MFAP3: variants seen among roughly 807,000 people sequenced by gnomAD.
The protein encoded by MFAP3 is microfibril associated protein 3, also known as microfibril-associated glycoprotein 3.
MFAP3 carries 8 observed loss-of-function variants against 20.5 expected under a neutral mutation model. That is an observed-to-expected ratio of 0.39 (90% CI 0.23 to 0.70). The LOEUF (loss-of-function observed/expected upper bound fraction) is 0.70, where lower values mean the gene tolerates loss of function less well. MFAP3 is among the 30% of genes least tolerant of loss of function. The pLI is 0.44. For missense variants in MFAP3, 398 were observed against 444.6 expected, an observed-to-expected ratio of 0.90 and a Z score of 0.94; for synonymous variants, 140 against 154.0, an observed-to-expected ratio of 0.91 and a Z score of 0.67.
At chr5:154,045,087 C>A (rs1305925669) in intron 1 of MFAP3, among the ~76,000 whole-genome samples, 1 of 152,046 alleles carries the variant, frequency 6.6e-6, no homozygotes, top group Non-Finnish European at 1.5e-5. Flanking sequence ...TTTCTTACAG[C>A]TTCTCCTTGT....
At chr5:154,052,171 G>C (rs1253539667) in intron 2 of MFAP3, among the ~76,000 whole-genome samples, 1 of 152,006 alleles carries the variant, frequency 6.6e-6, no homozygotes, top group Non-Finnish European at 1.5e-5. Context: ...TATGTTTTAG[G>C]TTGAAAATGG....
In MFAP3 at chr5:154,041,868, C is replaced by T. The variant is rs1405385137; in HGVS notation, c.-167+2857C>T. Among the ~76,000 whole-genome samples, 3 of 152,330 alleles carry T rather than the reference C, an allele frequency of 2.0e-5. No individual in the cohort carries two copies. The East Asian group carries it at 5.8e-4, about 29-fold the overall frequency. The stretch of plus-strand genomic sequence containing the variant: ...AAATGTGTAGGAGGTGGAATAATAA[C>T]AATAGCATATATTTATAATTTACCC... On this transcript the variant is annotated intron_variant, in intron 1 of 2. Transcript: ENST00000522782.
At position 154,053,697 on chromosome 5, in the gene MFAP3, A is replaced by T. The variant is rs1189502535; in HGVS notation, c.1073A>T (p.Glu358Val). ...SNCNYKDGAYENCQL is the reference protein window; with the variant it reads ...SNCNYKDGAYVNCQL Reference sequence around the variant, plus strand: ...TGTAACTACAAAGATGGGGCATATGAAAACTGTCAGCTGTAACCTACAATG... The same window carrying T: ...TGTAACTACAAAGATGGGGCATATGTAAACTGTCAGCTGTAACCTACAATG... Residue 358 changes from glutamate to valine, a missense_variant, in exon 3 of 3, where the codon GAA becomes GTA. By Grantham distance (121) the Glu-to-Val change is moderately radical (BLOSUM62 -2). Transcript: ENST00000522782. 2 of 1,611,114 alleles carry T rather than the reference A, an allele frequency of 1.2e-6. No individual in the cohort carries two copies. Among genetic ancestry groups the T allele is most frequent in the Non-Finnish European group, 1.7e-6 (2 of 1,177,922 alleles).
intron 1 of MFAP3, among the ~76,000 whole-genome samples, chr5:154,048,136 G>A (rs907486746): frequency 6.6e-6 from 1 of 152,104 alleles, no homozygotes; most frequent in Non-Finnish European, 1.5e-5. Context: ...GCAAATCACT[G>A]TGCACTGAAT....
At position 154,055,829 on chromosome 5, in the gene MFAP3, G is replaced by A. The variant is rs1436654626; in HGVS notation, c.*2116G>A. ...TCACTTTGTTGCCCAGGCTGACCTT[G>A]TACTTGTGGCTTCAAATGATCCTCC... On this transcript the variant is annotated 3_prime_UTR_variant, in exon 3 of 3. Transcript: ENST00000522782. 6.6e-6 allele frequency among the ~76,000 whole-genome samples: 1 copy of A among 151,948 alleles called. No homozygotes were observed. The highest frequency in any genetic ancestry group is 2.4e-5 in the African/African-American group (1 of 41,352).
intron 2 of MFAP3, 99 bp downstream of exon 2, chr5:154,050,116 A>C: frequency 2.2e-6 from 3 of 1,335,254 alleles, no homozygotes; most frequent in Non-Finnish European, 2.0e-6. Context: ...ATAAGGTGCC[A>C]AGGTGAATAG....
chr5:154,047,425 CAGT>C (rs971777237), intron 1 of MFAP3, among the ~76,000 whole-genome samples: 10 of 152,236 alleles, frequency 6.6e-5, no homozygotes, highest in Admixed American at 6.5e-4. Flanking sequence ...ATCTCAAACT[CAGT>C]GGTGGGGAAG....
At chr5:154,049,066 A>C (rs7722605) in intron 1 of MFAP3, among the ~76,000 whole-genome samples, 34 of 152,302 alleles carry the variant, frequency 2.2e-4, no homozygotes, top group African/African-American at 8.2e-4. Context: ...TGAATTACTC[A>C]AATTTTGAGC....
In MFAP3 at chr5:154,050,639, T is replaced by A. The variant is rs200208974; in HGVS notation, c.295+622T>A. On this transcript the variant is annotated intron_variant, in intron 2 of 2. Transcript: ENST00000522782. ...TTTTTTTTTTTTTTTTTTTGTATTC[T>A]ATACCTTAATTTACTGGAAATGAGA... Among the ~76,000 whole-genome samples, 43 of 142,294 alleles carry A rather than the reference T, an allele frequency of 3.0e-4. No homozygotes were observed. The East Asian group carries it at 7.5e-3, about 25-fold the overall frequency. The allele number at this position is 142,294 out of a possible 152,430, so 93.4% of individuals were successfully genotyped here.
chr5:154,053,028 C>G lies in MFAP3; in HGVS notation c.404C>G (p.Ser135Cys). The G allele has an allele frequency of 1.2e-6, 2 of 1,613,886 alleles. No individual in the cohort carries two copies. The highest frequency in any genetic ancestry group is 1.7e-6 in the Non-Finnish European group (2 of 1,179,886). ...ACCTCTCCAATTCGTGCCTCCTACT[C>G]TGTCACCCTACGTGTTATCTTCACC... ...FVTSPIRASY[S>C]VTLRVIFTSG... Residue 135 changes from serine to cysteine, a missense_variant, in exon 3 of 3, where the codon TCT becomes TGT. By Grantham distance (112) the Ser-to-Cys change is moderately radical (BLOSUM62 -1). Transcript: ENST00000522782.
At chr5:154,041,926 A>G (rs1259075013) in intron 1 of MFAP3, among the ~76,000 whole-genome samples, 2 of 152,246 alleles carry the variant, frequency 1.3e-5, no homozygotes, top group African/African-American at 4.8e-5. Context: ...AAACTACCCT[A>G]TGATGCAGTT....
intron 1 of MFAP3, among the ~76,000 whole-genome samples, chr5:154,041,870 A>G (rs1581859278): frequency 6.6e-6 from 1 of 152,232 alleles, no homozygotes; most frequent in African/African-American, 2.4e-5. Context: ...AATAATAACA[A>G]TAGCATATAT....
chr5:154,042,049 C>G (rs2113554375), intron 1 of MFAP3, among the ~76,000 whole-genome samples: 1 of 152,292 alleles, frequency 6.6e-6, no homozygotes. Flanking sequence ...CTCCTAACCA[C>G]TGAGCCATGA....
Position 154,049,987 on chromosome 5 carries a change from A to G in MFAP3, c.265A>G (p.Lys89Glu), listed in dbSNP as rs774906082. The G allele has an allele frequency of 1.7e-5, 28 of 1,608,816 alleles. No homozygotes were observed. The highest frequency in any genetic ancestry group is 6.7e-5 in the Admixed American group (4 of 59,904). Residue 89 changes from lysine to glutamate, a missense_variant, in exon 2 of 3, where the codon AAA (lysine) becomes GAA (glutamate). By Grantham distance (56) the Lys-to-Glu change is moderately conservative. Transcript: ENST00000522782. Reference protein sequence around the residue: ...HYEDVHWHNSKGQQLDGRSRG... With the variant: ...HYEDVHWHNSEGQQLDGRSRG... ...TGAAGATGTCCATTGGCACAATTCAAAAGGACAGCAACTGGATGGCAGAAG... is the reference window on the plus strand; with the variant it reads ...TGAAGATGTCCATTGGCACAATTCAGAAGGACAGCAACTGGATGGCAGAAG...
chr5:154,043,822 A>G (rs891484420), intron 1 of MFAP3, among the ~76,000 whole-genome samples: 1 of 151,790 alleles, frequency 6.6e-6, no homozygotes, highest in Non-Finnish European at 1.5e-5. Flanking sequence ...ACCTCAGCCC[A>G]CTTAACTGAT....
At position 154,049,600 on chromosome 5, in the gene MFAP3, A is replaced by G. The variant is rs1035346117; in HGVS notation, c.-123A>G. The stretch of plus-strand genomic sequence containing the variant: ...TTAATCTTGAAGACTAGAAAATATA[A>G]CTGGATCTACCACTTGTTTGGAAAA... On this transcript the variant is annotated 5_prime_UTR_variant, in exon 2 of 3. Coordinates refer to ENST00000522782, the MANE Select transcript of MFAP3 (RefSeq NM_005927.5). 2 of 929,700 alleles carry G rather than the reference A, an allele frequency of 2.2e-6. No homozygotes were observed. Among genetic ancestry groups the G allele is most frequent in the African/African-American group, 1.7e-5 (1 of 59,644 alleles). The allele number at this position is 929,700 out of a possible 1,614,324, so 57.6% of individuals were successfully genotyped here. A position where few individuals can be genotyped will look rare whatever the true frequency, so the allele number is the denominator to read the frequency against.
chr5:154,055,559 G>C lies in MFAP3; in HGVS notation c.*1846G>C, dbSNP rs1773310460. 6.6e-6 allele frequency among the ~76,000 whole-genome samples: 1 copy of C among 152,128 alleles called. No homozygotes were observed. Among genetic ancestry groups the C allele is most frequent in the Non-Finnish European group, 1.5e-5 (1 of 68,026 alleles). ...ATTGTTTTTATATATTTGACTATAA[G>C]AGCAAAGGCTCTTGAACATATCCTA... On this transcript the variant is annotated 3_prime_UTR_variant, in exon 3 of 3. Transcript: ENST00000522782.
chr5:154,057,051 C>T lies in MFAP3; in HGVS notation c.*3338C>T, dbSNP rs1773349957. On this transcript the variant is annotated 3_prime_UTR_variant, in exon 3 of 3. Transcript: ENST00000522782. ...TCTTCACCCTCTGCATGTAGCTTCACCCTAGATCAGACTTTTGTCTCTTGG... is the reference window on the plus strand; with the variant it reads ...TCTTCACCCTCTGCATGTAGCTTCATCCTAGATCAGACTTTTGTCTCTTGG... Among the ~76,000 whole-genome samples, 1 of 152,140 alleles carries T rather than the reference C, an allele frequency of 6.6e-6. No individual in the cohort carries two copies. The highest frequency in any genetic ancestry group is 6.6e-5 in the Admixed American group (1 of 15,266).
In MFAP3 at chr5:154,053,282, G is replaced by A; in HGVS notation, c.658G>A (p.Val220Ile). The A allele has an allele frequency of 6.2e-7, 1 of 1,614,054 alleles. No homozygotes were observed. The highest frequency in any genetic ancestry group is 1.1e-5 in the South Asian group (1 of 91,084). The change falls in exon 3 of 3, where the codon GTC becomes ATC. Residue 220 changes from valine to isoleucine, a missense_variant. Physicochemically the swap from Val to Ile is conservative, Grantham distance 29 (BLOSUM62 3). Transcript: ENST00000522782. The part of the protein sequence containing the change: ...TSAKTLELAK[V>I]TQFKTMEFAR... ...AGCCAAAACTCTGGAGCTCGCCAAA[G>A]TCACACAATTTAAGACCATGGAGTT... is the stretch of plus-strand genomic sequence containing the variant.
Sources: gnomAD v4.1 joint callset for allele counts (sites outside exome capture counted in the v4.1 genomes callset) on GRCh38, gnomAD v4.1.1 for gene constraint, MANE v1.5 for transcripts, NCBI Gene and HGNC (gene_info 2026-07-23, HGNC 2026-07-21) for gene names.